The following USP6NL variants were observed in gnomAD, a reference collection of about 807,000 sequenced individuals.
The protein encoded by USP6NL is USP6 N-terminal-like protein.
A neutral mutation model predicts 61.9 loss-of-function variants in USP6NL; 26 were observed. That is an observed-to-expected ratio of 0.42 (90% CI 0.31 to 0.58). USP6NL has a LOEUF of 0.58. USP6NL is among the 20% of genes least tolerant of loss of function. The pLI is 0.16. For synonymous variants in USP6NL, 432 were observed against 390.1 expected, an observed-to-expected ratio of 1.11 and a Z score of -1.27; for missense variants, 1,114 against 1,034.3, an observed-to-expected ratio of 1.08 and a Z score of -1.06.
At chr10:11,508,864 A>T (rs7475915) in intron 6 of USP6NL, among the ~76,000 whole-genome samples, 147,090 of 152,240 alleles carry the variant, frequency 0.97, 71,246 homozygotes, top group East Asian at 1. Flanking sequence ...GGCAGACATT[A>T]TCTCAAAAAT....
chr10:11,583,316 T>C (rs899189757), intron 2 of USP6NL, among the ~76,000 whole-genome samples: 1 of 151,218 alleles, frequency 6.6e-6, no homozygotes, highest in African/African-American at 2.4e-5. Context: ...GTCTCCCGAG[T>C]AGCTGGGACT....
intron 2 of USP6NL, among the ~76,000 whole-genome samples, chr10:11,556,728 G>A (rs1462615407): frequency 1.3e-5 from 2 of 152,110 alleles, no homozygotes; most frequent in African/African-American, 4.8e-5. Context: ...GAAGACCTAA[G>A]GATGGACCTA....
intron 2 of USP6NL, among the ~76,000 whole-genome samples, chr10:11,583,418 C>T (rs1837855664): frequency 1.3e-5 from 2 of 151,968 alleles, no homozygotes; most frequent in South Asian, 4.2e-4. Flanking sequence ...GTCTCAATCT[C>T]CTGACCTCAG....
At chr10:11,609,664 C>G (rs898611730) in intron 1 of USP6NL, among the ~76,000 whole-genome samples, 7 of 152,200 alleles carry the variant, frequency 4.6e-5, no homozygotes, top group African/African-American at 1.7e-4. Context: ...CCCATCTTAG[C>G]TGGCTACAAA....
In USP6NL at chr10:11,587,168, A is replaced by G. The variant is rs999202046; in HGVS notation, c.4+10463T>C. 6.6e-6 allele frequency among the ~76,000 whole-genome samples: 1 copy of G among 152,214 alleles called. No individual in the cohort carries two copies. The highest frequency in any genetic ancestry group is 2.4e-5 in the African/African-American group (1 of 41,450). ...TCTAAGACCACCACAGAAACAGTACATATGTAGGGGCTCATTAAGTATCTG... is the reference window on the plus strand; with the variant it reads ...TCTAAGACCACCACAGAAACAGTACGTATGTAGGGGCTCATTAAGTATCTG... On this transcript the variant is annotated intron_variant, in intron 2 of 14. Coordinates refer to ENST00000609104, the MANE Select transcript of USP6NL (RefSeq NM_014688.5). This position sits in a 1 kb window ranked among gnomAD's most constrained non-coding sequence, Gnocchi z 4.5.
At chr10:11,606,795 CT>C (rs1027919067) in intron 1 of USP6NL, among the ~76,000 whole-genome samples, 336 of 141,506 alleles carry the variant, frequency 2.4e-3, no homozygotes, top group Middle Eastern at 3.8e-3. Context: ...GAAATTTTTT[CT>C]TTTTTTTTTT....
At position 11,462,669 on chromosome 10, in the gene USP6NL, G is replaced by A. The variant is rs1440859862; in HGVS notation, c.2259C>T (p.Thr753=). 1 of 1,613,940 alleles carries A rather than the reference G, an allele frequency of 6.2e-7. No homozygotes were observed. The highest frequency in any genetic ancestry group is 8.5e-7 in the Non-Finnish European group (1 of 1,179,878). Residue 753 remains threonine, a synonymous_variant, in exon 15 of 15, where the codon ACC becomes ACT. Transcript: ENST00000609104. The part of the protein sequence containing the change: ...YRPETQGQSW[T]RDASRGNLPK... ...GTAAATTGCCACGGCTAGCATCTCG[G>A]GTCCATGATTGTCCCTGCGTCTCAG...
rs976616957 is a variant in USP6NL at position 11,495,285 on chromosome 10, G to T, written c.385-2057C>A. Reference sequence around the variant, plus strand: ...TATAATATTGGAATATAGAGTAATTGCTACAAACTAATGATTAATGATATT... The same window carrying T: ...TATAATATTGGAATATAGAGTAATTTCTACAAACTAATGATTAATGATATT... On this transcript the variant is annotated intron_variant, in intron 7 of 14. Coordinates refer to ENST00000609104, the MANE Select transcript of USP6NL (RefSeq NM_014688.5). The surrounding 1 kb of genome is among the most constrained non-coding windows in gnomAD (Gnocchi z 4.6). Among the ~76,000 whole-genome samples the T allele has an allele frequency of 1.3e-5, 2 of 152,116 alleles. No homozygotes were observed. Among genetic ancestry groups the T allele is most frequent in the African/African-American group, 2.4e-5 (1 of 41,424 alleles).
intron 3 of USP6NL, among the ~76,000 whole-genome samples, chr10:11,526,326 G>A (rs1267697408): frequency 6.6e-6 from 1 of 152,088 alleles, no homozygotes; most frequent in Non-Finnish European, 1.5e-5. Flanking sequence ...CTGCTTGTGT[G>A]TTCTCCTCTC....
chr10:11,476,811 C>T lies in USP6NL; in HGVS notation c.1078+4959G>A, dbSNP rs573649608. The stretch of plus-strand genomic sequence containing the variant: ...ATACAGCAAAAGAAGACATGCCTTT[C>T]AACACTTTTACAAACCACCCCCATA... On this transcript the variant is annotated intron_variant, in intron 14 of 14. Transcript: ENST00000609104. The surrounding 1 kb of genome is among the most constrained non-coding windows in gnomAD (Gnocchi z 4.3). Among the ~76,000 whole-genome samples, 1 of 152,246 alleles carries T rather than the reference C, an allele frequency of 6.6e-6. No homozygotes were observed. Among genetic ancestry groups the T allele is most frequent in the Admixed American group, 6.5e-5 (1 of 15,292 alleles).
chr10:11,463,348 A>G lies in USP6NL; in HGVS notation c.1580T>C (p.Val527Ala). The G allele has an allele frequency of 6.2e-7, 1 of 1,613,716 alleles. No homozygotes were observed. Among genetic ancestry groups the G allele is most frequent in the Non-Finnish European group, 8.5e-7 (1 of 1,179,830 alleles). The change falls in exon 15 of 15, where the codon GTG (valine) becomes GCG (alanine). Residue 527 changes from valine (V) to alanine (A), a missense_variant. Transcript: ENST00000609104. The surrounding 1 kb of genome is among the most constrained non-coding windows in gnomAD (Gnocchi z 6.3). The stretch of plus-strand genomic sequence containing the variant: ...CTTCATCTTTGGCCGCACGTTTGAC[A>G]CCCGCACCTCGGCAGGACCTGGGAC... ...VTVPGPAEVR[V>A]SNVRPKMKAL... is the part of the protein sequence containing the mutation.
In USP6NL at chr10:11,589,275, A is replaced by T. The variant is rs1016140354; in HGVS notation, c.4+8356T>A. On this transcript the variant is annotated intron_variant, in intron 2 of 14. Transcript: ENST00000609104. This position sits in a 1 kb window ranked among gnomAD's most constrained non-coding sequence, Gnocchi z 4.7. ...TTAGCATGTAAATTTCTGTTATATTAGTTAAAACAACAAATTTAAGCAGGT... is the reference window on the plus strand; with the variant it reads ...TTAGCATGTAAATTTCTGTTATATTTGTTAAAACAACAAATTTAAGCAGGT... 6.6e-6 allele frequency among the ~76,000 whole-genome samples: 1 copy of T among 152,218 alleles called. No individual in the cohort carries two copies. Among genetic ancestry groups the T allele is most frequent in the African/African-American group, 2.4e-5 (1 of 41,452 alleles).
At chr10:11,523,813 T>C (rs1835318770) in intron 4 of USP6NL, among the ~76,000 whole-genome samples, 1 of 152,220 alleles carries the variant, frequency 6.6e-6, no homozygotes, top group Non-Finnish European at 1.5e-5. Flanking sequence ...CAGTGGTTCA[T>C]TCCCACCAGA....
chr10:11,516,377 G>A lies in USP6NL; in HGVS notation c.195+2158C>T, dbSNP rs555734402. Among the ~76,000 whole-genome samples, 3 of 152,278 alleles carry A rather than the reference G, an allele frequency of 2.0e-5. No individual in the cohort carries two copies. The South Asian group carries it at 6.2e-4, about 32-fold the overall frequency. ...CAGACCAGCAAGGCTATCATTTCTA[G>A]ACTTTATTCCATTTTAAAAATGTAA... On this transcript the variant is annotated intron_variant, in intron 5 of 14. Coordinates refer to ENST00000609104, the MANE Select transcript of USP6NL (RefSeq NM_014688.5).
chr10:11,488,617 T>C (rs1444016114), intron 10 of USP6NL, among the ~76,000 whole-genome samples: 3 of 152,204 alleles, frequency 2.0e-5, no homozygotes, highest in Non-Finnish European at 4.4e-5. Context: ...ACACTTGAAA[T>C]ATAAAACTAC....
intron 1 of USP6NL, among the ~76,000 whole-genome samples, chr10:11,603,010 G>A (rs1421966831): frequency 3.3e-5 from 5 of 152,158 alleles, no homozygotes; most frequent in Admixed American, 2.0e-4. Context: ...TTTTCTCAGC[G>A]CAAAAGTAAA....
intron 2 of USP6NL, among the ~76,000 whole-genome samples, chr10:11,572,200 T>C (rs1366045397): frequency 6.6e-6 from 1 of 152,008 alleles, no homozygotes. Flanking sequence ...TACATAAATC[T>C]GACATTTTCA....
intron 2 of USP6NL, chr10:11,573,643 C>G (rs965403050): frequency 5.0e-6 from 2 of 398,788 alleles, no homozygotes; most frequent in African/African-American, 2.1e-5. Flanking sequence ...TTGATGGTGT[C>G]ACCAGCTCCT....
intron 2 of USP6NL, among the ~76,000 whole-genome samples, chr10:11,529,253 A>C (rs1469964050): frequency 6.6e-6 from 1 of 152,236 alleles, no homozygotes; most frequent in Non-Finnish European, 1.5e-5. Flanking sequence ...ATTCAGACTA[A>C]CCAAAAAATG....
Sources: allele counts gnomAD v4.1 joint callset (sites outside exome capture counted in the v4.1 genomes callset), GRCh38; gene constraint gnomAD v4.1.1; non-coding constraint Gnocchi (gnomAD v3.1); transcripts MANE v1.5; gene names NCBI Gene and HGNC (gene_info 2026-07-23, HGNC 2026-07-21).